RAP1GDS1: variants seen among roughly 807,000 people sequenced by gnomAD.
The protein encoded by RAP1GDS1 is RAP1, GTP-GDP dissociation stimulator 1.
In RAP1GDS1, 35 loss-of-function variants were observed where a neutral mutation model predicts 71.1. The observed-to-expected ratio is 0.49, with a 90% CI of 0.38 to 0.65. The LOEUF (loss-of-function observed/expected upper bound fraction) is 0.65, where lower values mean the gene tolerates loss of function less well. RAP1GDS1 is among the 30% of genes least tolerant of loss of function. The pLI is 0.00. For synonymous variants in RAP1GDS1, 229 were observed against 243.1 expected (o/e 0.94, Z 0.54); for missense variants, 663 against 706.1 (o/e 0.94, Z 0.69).
intron 7 of RAP1GDS1, among the ~76,000 whole-genome samples, chr4:98,407,958 C>T (rs1241696582): frequency 2.0e-5 from 3 of 151,730 alleles, no homozygotes; most frequent in African/African-American, 4.8e-5. Flanking sequence ...TTGGTAAACC[C>T]GTAGTGAGAT....
intron 5 of RAP1GDS1, among the ~76,000 whole-genome samples, chr4:98,387,791 T>C (rs767132182): frequency 1.7e-4 from 26 of 152,190 alleles, no homozygotes; most frequent in Non-Finnish European, 3.7e-4. Flanking sequence ...CTGGGTTACA[T>C]TTTTGTGAAT....
At chr4:98,415,296 T>G (rs1747778704) in intron 7 of RAP1GDS1, among the ~76,000 whole-genome samples, 1 of 152,198 alleles carries the variant, frequency 6.6e-6, no homozygotes, top group East Asian at 1.9e-4. Flanking sequence ...CACCCATGTT[T>G]TACAATCAGA....
intron 12 of RAP1GDS1, among the ~76,000 whole-genome samples, chr4:98,426,655 C>G (rs1360251123): frequency 2.0e-5 from 3 of 151,944 alleles, no homozygotes; most frequent in Non-Finnish European, 4.4e-5. Context: ...ACCTTGCTAG[C>G]TTAAATCAGG....
chr4:98,314,896 A>G (rs1489055747), intron 2 of RAP1GDS1, among the ~76,000 whole-genome samples: 2 of 152,050 alleles, frequency 1.3e-5, no homozygotes, highest in African/African-American at 2.4e-5. Context: ...TTTTCCTTCT[A>G]TCTAGCTTTT....
intron 5 of RAP1GDS1, among the ~76,000 whole-genome samples, chr4:98,385,985 A>G (rs554512514): frequency 9.9e-5 from 15 of 151,998 alleles, no homozygotes; most frequent in African/African-American, 3.4e-4. Flanking sequence ...GCAGTGCTGT[A>G]TGAAAGCAGA....
chr4:98,427,232 C>T (rs905619241), intron 12 of RAP1GDS1, among the ~76,000 whole-genome samples: 5 of 150,900 alleles, frequency 3.3e-5, no homozygotes, highest in East Asian at 1.9e-4. Context: ...TAATAAAAGC[C>T]GTCTATGAGA....
At chr4:98,424,698 T>G (rs974600052) in intron 12 of RAP1GDS1, among the ~76,000 whole-genome samples, 1 of 150,962 alleles carries the variant, frequency 6.6e-6, no homozygotes, top group African/African-American at 2.4e-5. Flanking sequence ...GAAGCGGAGG[T>G]TGCAGTGAGC....
intron 2 of RAP1GDS1, among the ~76,000 whole-genome samples, chr4:98,334,251 ATATACATAC>A (rs1734390025): frequency 6.6e-6 from 1 of 152,178 alleles, no homozygotes; most frequent in South Asian, 2.1e-4. Context: ...ACCTAAGCAT[ATATACATAC>A]ACACAAAAAT....
At chr4:98,401,966 T>C (rs1323227554) in intron 6 of RAP1GDS1, among the ~76,000 whole-genome samples, 1 of 152,188 alleles carries the variant, frequency 6.6e-6, no homozygotes, top group Non-Finnish European at 1.5e-5. Flanking sequence ...TCTATATACT[T>C]TACCTATGAT....
chr4:98,368,079 C>A (rs1292165151), intron 4 of RAP1GDS1, among the ~76,000 whole-genome samples: 2 of 151,960 alleles, frequency 1.3e-5, no homozygotes, highest in African/African-American at 4.8e-5. Flanking sequence ...TGGGAGGGAC[C>A]CAGTGGGAGA....
intron 13 of RAP1GDS1, 25 bp from the exon 14 acceptor site, chr4:98,436,915 T>G: frequency 6.3e-7 from 1 of 1,579,204 alleles, no homozygotes; most frequent in South Asian, 1.2e-5. Flanking sequence ...TCGTACGCAG[T>G]AGATATACTT....
chr4:98,261,922 G>T lies in RAP1GDS1; in HGVS notation c.4+353G>T, dbSNP rs112026976. Among the ~76,000 whole-genome samples, 60 of 152,342 alleles carry T rather than the reference G, an allele frequency of 3.9e-4. No individual in the cohort carries two copies. The East Asian group carries it at 6.0e-3, about 15-fold the overall frequency. ...CAGCTCCATCCCCGTTTCTCCAGAG[G>T]CCGCCCGCTTCCTTTTCCCCCGCGT... is the stretch of plus-strand genomic sequence containing the variant. On this transcript the variant is annotated intron_variant, in intron 1 of 14. Coordinates refer to ENST00000408927, the MANE Select transcript of RAP1GDS1 (RefSeq NM_001100427.2).
intron 2 of RAP1GDS1, among the ~76,000 whole-genome samples, chr4:98,297,238 C>T (rs1414546229): frequency 6.6e-6 from 1 of 152,084 alleles, no homozygotes; most frequent in Middle Eastern, 3.2e-3. Context: ...TTTTCTAGCC[C>T]TAAGGTAATT....
chr4:98,417,602 A>G (rs1381293118), intron 9 of RAP1GDS1, 104 bp downstream of exon 9: 52 of 1,099,504 alleles, frequency 4.7e-5, no homozygotes, highest in Non-Finnish European at 6.6e-5. Flanking sequence ...AAGTTGTGTA[A>G]TATGTGTATA....
At chr4:98,340,181 T>C (rs1214056994) in intron 2 of RAP1GDS1, among the ~76,000 whole-genome samples, 2 of 152,204 alleles carry the variant, frequency 1.3e-5, no homozygotes, top group South Asian at 2.1e-4. Context: ...TTATTGGTCA[T>C]GTACCCAAAG....
chr4:98,282,058 G>A (rs145968215), intron 1 of RAP1GDS1, among the ~76,000 whole-genome samples: 34 of 152,170 alleles, frequency 2.2e-4, no homozygotes, highest in Non-Finnish European at 4.7e-4. Flanking sequence ...AGGGATATTA[G>A]TCTAAAATTC....
chr4:98,329,302 C>T (rs1733594396), intron 2 of RAP1GDS1, among the ~76,000 whole-genome samples: 1 of 152,072 alleles, frequency 6.6e-6, no homozygotes, highest in Admixed American at 6.5e-5. Flanking sequence ...ATCTGGAAAA[C>T]AGAACATTTA....
intron 2 of RAP1GDS1, among the ~76,000 whole-genome samples, chr4:98,325,393 A>C (rs1273171038): frequency 1.3e-5 from 2 of 150,994 alleles, no homozygotes; most frequent in East Asian, 3.9e-4. Flanking sequence ...AACTAGAAAT[A>C]CCATTTGACC....
Position 98,350,043 on chromosome 4 carries a change from G to A in RAP1GDS1, c.236-2433G>A, listed in dbSNP as rs555957640. Reference sequence around the variant, plus strand: ...CTTTGTTTTATCTTTATATGTTTTTGAGTAAAAAATGGTTCCAAAGAGTTT... The same window carrying A: ...CTTTGTTTTATCTTTATATGTTTTTAAGTAAAAAATGGTTCCAAAGAGTTT... On this transcript the variant is annotated intron_variant, in intron 3 of 14. Transcript: ENST00000408927. Among the ~76,000 whole-genome samples, 6 of 152,160 alleles carry A rather than the reference G, an allele frequency of 3.9e-5. 1 individual carries two copies. Among genetic ancestry groups the A allele is most frequent in the African/African-American group, 1.4e-4 (6 of 41,534 alleles).
Sources: gnomAD v4.1 joint callset for allele counts (sites outside exome capture counted in the v4.1 genomes callset) on GRCh38, gnomAD v4.1.1 for gene constraint, MANE v1.5 for transcripts, NCBI Gene and HGNC (gene_info 2026-07-23, HGNC 2026-07-21) for gene names.